Variants in NOMO1 observed in about 807,000 individuals in gnomAD.
NOMO1 encodes nodal modulator 3.
NOMO1 carries 40 observed loss-of-function variants against 133.8 expected under a neutral mutation model. The observed-to-expected ratio is 0.30, with a 90% CI of 0.23 to 0.39. The LOEUF is 0.39. NOMO1 is among the 10% of genes least tolerant of loss of function. The pLI is 1.00. For synonymous variants in NOMO1, 236 were observed against 570.5 expected, an observed-to-expected ratio of 0.41 and a Z score of 8.36; for missense variants, 462 against 1,419.9, an observed-to-expected ratio of 0.33 and a Z score of 10.84.
chr16:14,868,735 C>T, intron 16 of NOMO1, 100 bp downstream of exon 16: 1 of 741,058 alleles, frequency 1.3e-6, no homozygotes, highest in South Asian at 1.7e-5. Context: ...CTGTTTGCAT[C>T]AAGCTTTCAA....
intron 24 of NOMO1, among the ~76,000 whole-genome samples, chr16:14,881,209 TG>T (rs1347809045): frequency 6.6e-6 from 1 of 152,090 alleles, no homozygotes; most frequent in Non-Finnish European, 1.5e-5. Flanking sequence ...ACTGAATATA[TG>T]GAGTGAAAGA....
In NOMO1 at chr16:14,833,728, G is replaced by A; in HGVS notation, c.-124G>A. On this transcript the variant is annotated 5_prime_UTR_variant, in exon 1 of 31. Transcript: ENST00000287667. Reference sequence around the variant, plus strand: ...GAAGCGCGCGTGCGCGGCGGCTCTGGCGGCGGCGGTGGGGCGGGGCCTGGG... The same window carrying A: ...GAAGCGCGCGTGCGCGGCGGCTCTGACGGCGGCGGTGGGGCGGGGCCTGGG... The A allele has an allele frequency of 8.7e-7, 1 of 1,153,616 alleles. No homozygotes were observed. The highest frequency in any genetic ancestry group is 1.1e-6 in the Non-Finnish European group (1 of 902,078). The allele number at this position is 1,153,616 out of a possible 1,614,324, so 71.5% of individuals were successfully genotyped here. A position where few individuals can be genotyped will look rare whatever the true frequency, so the allele number is the denominator to read the frequency against.
In NOMO1 at chr16:14,852,951, C is replaced by T. The variant is rs562936708; in HGVS notation, c.735+369C>T. The T allele has an allele frequency of 1.3e-3, 332 of 255,330 alleles. 4 individuals carry two copies. The highest frequency in any genetic ancestry group is 5.1e-3 in the African/African-American group (213 of 42,052). The allele number at this position is 255,330 out of a possible 1,614,324, so 15.8% of individuals were successfully genotyped here. ...CCAGGAGGTGGAGGTTGCAGTGAGC[C>T]AAGATCACACCACTGCACTCCAGCC... On this transcript the variant is annotated intron_variant, in intron 7 of 30. Transcript: ENST00000287667.
chr16:14,864,461 A>T, intron 12 of NOMO1, 124 bp from the exon 13 acceptor site: 1 of 1,527,380 alleles, frequency 6.5e-7, no homozygotes, highest in Admixed American at 2.1e-5. Context: ...ATCGGCCTGG[A>T]AACGAACCTT....
chr16:14,875,501 G>A lies in NOMO1; in HGVS notation c.2356+79G>A. On this transcript the variant is annotated intron_variant, in intron 20 of 30. Transcript: ENST00000287667. ...TGCCTGCATTTACAAGTAGATTTGT[G>A]ATGTTATAGTGAAGCCATCTTTGTA... is the stretch of plus-strand genomic sequence containing the variant. 5 of 783,424 alleles carry A rather than the reference G, an allele frequency of 6.4e-6. No individual in the cohort carries two copies. The South Asian group carries it at 9.2e-5, about 14-fold the overall frequency. The allele number at this position is 783,424 out of a possible 1,614,324, so 48.5% of individuals were successfully genotyped here. A position where few individuals can be genotyped will look rare whatever the true frequency, so the allele number is the denominator to read the frequency against.
At chr16:14,845,708 G>T (rs973376100) in intron 4 of NOMO1, among the ~76,000 whole-genome samples, 1 of 151,774 alleles carries the variant, frequency 6.6e-6, no homozygotes, top group East Asian at 1.9e-4. Context: ...TTGCGGTGAC[G>T]GGGAGGCCCT....
At position 14,857,619 on chromosome 16, in the gene NOMO1, C is replaced by T. The variant is rs746487345; in HGVS notation, c.1184C>T (p.Pro395Leu). The change falls in exon 11 of 31, where the codon CCG becomes CTG. Residue 395 changes from proline to leucine, a missense_variant. Transcript: ENST00000287667. ...YFETVTIKIA[P>L]NTPQLADIIA... Reference sequence around the variant, plus strand: ...GAAACGGTCACCATCAAAATTGCACCGAACACACCTCAGCTGGCTGACATT... The same window carrying T: ...GAAACGGTCACCATCAAAATTGCACTGAACACACCTCAGCTGGCTGACATT... 1.9e-5 allele frequency: 31 copies of T among 1,613,386 alleles called. No homozygotes were observed. Among genetic ancestry groups the T allele is most frequent in the South Asian group, 5.5e-5 (5 of 91,042 alleles).
At position 14,876,791 on chromosome 16, in the gene NOMO1, G is replaced by C; in HGVS notation, c.2643+1G>C. ...TGCCCTGGCAGGCGTAAGCTTTGAG[G>C]TAACTAACACTGTATTTTCAAAAGG... On this transcript the variant is annotated splice_donor_variant, in intron 22 of 30. Coordinates refer to ENST00000287667, the MANE Select transcript of NOMO1 (RefSeq NM_014287.4). LOFTEE classifies it high-confidence loss of function. 6.2e-7 allele frequency: 1 copy of C among 1,610,304 alleles called. No homozygotes were observed. Among genetic ancestry groups the C allele is most frequent in the Non-Finnish European group, 8.5e-7 (1 of 1,179,618 alleles).
At chr16:14,885,309 C>T (rs2151010728) in intron 27 of NOMO1, among the ~76,000 whole-genome samples, 1 of 151,810 alleles carries the variant, frequency 6.6e-6, no homozygotes, top group South Asian at 2.1e-4. Flanking sequence ...AGTAGTGACT[C>T]ACCTTGCTGC....
rs1390299520 is a variant in NOMO1, at chr16:14,893,981, TAC to T, written c.3445-1014_3445-1013del. 8.6e-5 allele frequency among the ~76,000 whole-genome samples: 13 copies of T among 151,368 alleles called. No individual in the cohort carries two copies. The South Asian group carries it at 2.7e-3, about 32-fold the overall frequency. On this transcript the variant is annotated intron_variant, in intron 29 of 30. Coordinates refer to ENST00000287667, the MANE Select transcript of NOMO1 (RefSeq NM_014287.4). ...CTCTGCGAGAGGAGTCCCGGTATCC[TAC>T]ACTGAGAACACTGCTCTGGCTCATT...
chr16:14,885,010 G>A (rs1057290001), intron 27 of NOMO1, among the ~76,000 whole-genome samples: 3 of 151,996 alleles, frequency 2.0e-5, no homozygotes. Context: ...ATGGCAGAAG[G>A]TGAAGTGGGA....
chr16:14,864,481 A>G (rs2151001714), intron 12 of NOMO1, 104 bp from the exon 13 acceptor site: 1 of 1,543,566 alleles, frequency 6.5e-7, no homozygotes, highest in East Asian at 2.3e-5. Context: ...TTGGCCTTCA[A>G]AATCTCTTTA....
chr16:14,892,482 G>A (rs1185950807), intron 29 of NOMO1, among the ~76,000 whole-genome samples: 1 of 151,556 alleles, frequency 6.6e-6, no homozygotes, highest in Non-Finnish European at 1.5e-5. Flanking sequence ...GCCCAGCCTC[G>A]TAGCTGCTGC....
intron 29 of NOMO1, among the ~76,000 whole-genome samples, chr16:14,893,093 C>CT (rs1226171364): frequency 6.6e-6 from 1 of 150,844 alleles, no homozygotes; most frequent in African/African-American, 2.4e-5. Context: ...GTTGAGTAAA[C>CT]TGAGTCTCAA....
At chr16:14,875,602 TTGGATGGA>T (rs1166983816) in intron 20 of NOMO1, among the ~76,000 whole-genome samples, 180 bp downstream of exon 20, 142 of 149,342 alleles carry the variant, frequency 9.5e-4, no homozygotes, top group East Asian at 9.5e-3. Flanking sequence ...GATGGTTGGG[TTGGATGGA>T]TGGATGGATG....
intron 6 of NOMO1, among the ~76,000 whole-genome samples, chr16:14,850,758 G>T (rs1417632610): frequency 6.6e-6 from 1 of 151,774 alleles, no homozygotes; most frequent in African/African-American, 2.4e-5. Flanking sequence ...TGGTTTTGGG[G>T]GTTTTTCTCT....
At chr16:14,866,531 C>T (rs538930977) in intron 14 of NOMO1, 24 bp from the exon 15 acceptor site, 52 of 1,610,100 alleles carry the variant, frequency 3.2e-5, no homozygotes, top group African/African-American at 5.4e-5. Context: ...CCCATGTATC[C>T]GTTTTTGGTG....
At chr16:14,881,438 T>C in intron 24 of NOMO1, 106 bp from the exon 25 acceptor site, 2 of 1,610,326 alleles carry the variant, frequency 1.2e-6, no homozygotes, top group Non-Finnish European at 1.7e-6. Flanking sequence ...GAGGCACAGT[T>C]ATCCCCTGAA....
chr16:14,884,544 T>C, intron 27 of NOMO1, 62 bp downstream of exon 27: 1 of 1,609,070 alleles, frequency 6.2e-7, no homozygotes, highest in Non-Finnish European at 8.5e-7. Context: ...CAAGTACGAA[T>C]GGGATGTTTT....
Sources: gnomAD v4.1 joint callset for allele counts (sites outside exome capture counted in the v4.1 genomes callset) on GRCh38, gnomAD v4.1.1 for gene constraint, MANE v1.5 for transcripts, NCBI Gene and HGNC (gene_info 2026-07-23, HGNC 2026-07-21) for gene names.